The following KREMEN1 variants were observed in gnomAD, a reference collection of about 807,000 sequenced individuals.
The protein encoded by KREMEN1 is kremen protein 1.
In KREMEN1, 30 loss-of-function variants were observed where a neutral mutation model predicts 46.5. That is an observed-to-expected ratio of 0.65 (90% CI 0.48 to 0.88). The LOEUF (loss-of-function observed/expected upper bound fraction) is 0.88. Ranked by LOEUF, KREMEN1 falls within the 40% of genes least tolerant of loss-of-function variation. The probability of loss-of-function intolerance (pLI) is 0.00; values close to 1 mark genes in which losing one functional copy is unlikely to be tolerated. For missense variants in KREMEN1, 533 were observed against 596.9 expected (o/e 0.89, Z 1.11); for synonymous variants, 214 against 230.6 (o/e 0.93, Z 0.65).
intron 2 of KREMEN1, among the ~76,000 whole-genome samples, chr22:29,094,635 T>TC (rs2037854759): frequency 1.3e-5 from 2 of 150,310 alleles, no homozygotes; most frequent in Non-Finnish European, 3.0e-5. Context: ...TCTTTTTTTT[T>TC]TTTTTTGAGA....
intron 1 of KREMEN1, among the ~76,000 whole-genome samples, chr22:29,094,050 A>G (rs553933441): frequency 6.6e-6 from 1 of 152,336 alleles, no homozygotes; most frequent in Non-Finnish European, 1.5e-5. Context: ...TCTGTAGACA[A>G]GCTAGTGCCA....
chr22:29,166,895 C>T (rs533264913), intron 9 of KREMEN1: 14 of 658,450 alleles, frequency 2.1e-5, no homozygotes, highest in Middle Eastern at 2.4e-4. Context: ...ATCAGACCAC[C>T]GCACTCCAGG....
exon 10 of KREMEN1, chr22:29,167,191 CAGA>C: frequency 9.0e-7 from 1 of 1,116,638 alleles, no homozygotes; most frequent in Admixed American, 2.0e-5. Context: ...TCTCCTCGCA[CAGA>C]AATGGTGGGC....
chr22:29,104,901 TAAATA>T (rs134671), intron 3 of KREMEN1, among the ~76,000 whole-genome samples: 5,588 of 152,178 alleles, frequency 0.037, 142 homozygotes, highest in Non-Finnish European at 0.056. Context: ...TTCAAAAAAA[TAAATA>T]AAATAAAATC....
At chr22:29,139,661 T>C (rs1238482709) in intron 7 of KREMEN1, among the ~76,000 whole-genome samples, 1 of 151,944 alleles carries the variant, frequency 6.6e-6, no homozygotes, top group Admixed American at 6.6e-5. Context: ...TAGTCTCAGC[T>C]ACTCGGGAGG....
intron 3 of KREMEN1, among the ~76,000 whole-genome samples, chr22:29,106,718 C>T (rs1047363383): frequency 2.0e-5 from 3 of 152,088 alleles, no homozygotes; most frequent in Non-Finnish European, 4.4e-5. Flanking sequence ...TCCTTGAAAA[C>T]AGGGGCTCTG....
chr22:29,125,507 T>C, intron 5 of KREMEN1, 91 bp downstream of exon 5: 1 of 1,300,222 alleles, frequency 7.7e-7, no homozygotes, highest in Non-Finnish European at 1.1e-6. Flanking sequence ...CTTCTATGTA[T>C]TCATTCATTC....
intron 9 of KREMEN1, among the ~76,000 whole-genome samples, chr22:29,156,729 G>A (rs886475750): frequency 4.6e-5 from 7 of 152,224 alleles, no homozygotes; most frequent in Non-Finnish European, 1.0e-4. Context: ...GGGCCTGCAC[G>A]CAGAGCTGGG....
chr22:29,160,618 T>G (rs2039003159), intron 9 of KREMEN1, among the ~76,000 whole-genome samples: 1 of 151,424 alleles, frequency 6.6e-6, no homozygotes, highest in African/African-American at 2.4e-5. Flanking sequence ...GACTTGCTCC[T>G]GAATGATTTT....
At chr22:29,115,946 G>T (rs890701924) in intron 3 of KREMEN1, among the ~76,000 whole-genome samples, 15 of 152,196 alleles carry the variant, frequency 9.9e-5, no homozygotes, top group African/African-American at 3.6e-4. Flanking sequence ...TGGGAGAGGG[G>T]AAGGGGGAGC....
Position 29,085,256 on chromosome 22 carries a change from A to G in KREMEN1, c.98-9002A>G, listed in dbSNP as rs1352718326. ...TTAGGACACAAATAGAGAAGAGAGT[A>G]TAAGGAAGTCCCATGTATCTATCTC... On this transcript the variant is annotated intron_variant, in intron 1 of 8. Coordinates refer to ENST00000400335, the MANE Select transcript of KREMEN1 (RefSeq NM_001039570.3). 5.9e-5 allele frequency among the ~76,000 whole-genome samples: 9 copies of G among 152,356 alleles called. No homozygotes were observed. In the East Asian group the frequency reaches 1.7e-3, roughly 29 times the overall value.
At chr22:29,141,526 G>T (rs1289968553) in intron 8 of KREMEN1, among the ~76,000 whole-genome samples, 1 of 152,226 alleles carries the variant, frequency 6.6e-6, no homozygotes, top group Non-Finnish European at 1.5e-5. Flanking sequence ...CAGAGTCCGG[G>T]CCAGCACCGG....
intron 1 of KREMEN1, among the ~76,000 whole-genome samples, chr22:29,087,619 G>A (rs778090231): frequency 5.3e-5 from 8 of 151,766 alleles, no homozygotes; most frequent in South Asian, 2.1e-4. Context: ...AGGCCAGAGT[G>A]CAATGGTGCG....
chr22:29,099,132 A>G, intron 3 of KREMEN1, 179 bp downstream of exon 3: 1 of 574,506 alleles, frequency 1.7e-6, no homozygotes, highest in South Asian at 2.0e-5. Flanking sequence ...CAGGAATAGG[A>G]ATGCTGATTT....
chr22:29,102,094 A>G (rs2037986038), intron 3 of KREMEN1, among the ~76,000 whole-genome samples: 1 of 152,098 alleles, frequency 6.6e-6, no homozygotes. Flanking sequence ...TATCTGGGTT[A>G]TTTTTTTCTT....
rs905347111 is a variant in KREMEN1 at position 29,125,385 on chromosome 22, T to C, written c.600T>C (p.Cys200=). The change falls in exon 5 of 9, where the codon TGT becomes TGC. Residue 200 remains cysteine (C), a synonymous_variant. Coordinates refer to ENST00000400335, the MANE Select transcript of KREMEN1 (RefSeq NM_001039570.3). The part of the protein sequence containing the change: ...SVCFGDHTQP[C]GGDGRIILFD... ...GCTTCGGGGATCACACCCAACCCTG[T>C]GGTGGCGATGGCAGGATCATCCTCT... The C allele has an allele frequency of 1.9e-6, 3 of 1,614,060 alleles. No individual in the cohort carries two copies. In the African/African-American group the frequency reaches 4.0e-5, roughly 22 times the overall value.
intron 1 of KREMEN1, among the ~76,000 whole-genome samples, chr22:29,084,329 T>TG (rs134628): frequency 0.75 from 113,655 of 151,952 alleles, 43,236 homozygotes; most frequent in African/African-American, 0.88. Flanking sequence ...ATGCCTAAAC[T>TG]GGGATGTATC....
intron 5 of KREMEN1, among the ~76,000 whole-genome samples, chr22:29,130,730 C>T (rs1441915928): frequency 6.6e-6 from 1 of 152,110 alleles, no homozygotes; most frequent in Non-Finnish European, 1.5e-5. Context: ...CAGCTAGTAT[C>T]GAGAAGGAGC....
chr22:29,120,988 T>C (rs1160683302), intron 3 of KREMEN1, among the ~76,000 whole-genome samples: 1 of 152,198 alleles, frequency 6.6e-6, no homozygotes, highest in Non-Finnish European at 1.5e-5. Flanking sequence ...TGAGAGGGCT[T>C]TTCCTGCCCT....
Sources: gnomAD v4.1 joint callset for allele counts (sites outside exome capture counted in the v4.1 genomes callset) on GRCh38, gnomAD v4.1.1 for gene constraint, MANE v1.5 for transcripts, NCBI Gene and HGNC (gene_info 2026-07-23, HGNC 2026-07-21) for gene names.